Variants in TTC7B observed in about 807,000 individuals in gnomAD.
TTC7B encodes tetratricopeptide repeat protein 7B.
TTC7B carries 28 observed loss-of-function variants against 106.8 expected under a neutral mutation model. The observed-to-expected ratio is 0.26, with a 90% CI of 0.19 to 0.36. The LOEUF (loss-of-function observed/expected upper bound fraction) is 0.36. TTC7B is among the 10% of genes least tolerant of loss of function. The probability of loss-of-function intolerance (pLI) is 1.00; values close to 1 mark genes in which losing one functional copy is unlikely to be tolerated. For missense variants in TTC7B, 862 were observed against 1,076.4 expected, an observed-to-expected ratio of 0.80 and a Z score of 2.79; for synonymous variants, 405 against 430.6, an observed-to-expected ratio of 0.94 and a Z score of 0.74.
chr14:90,591,032 T>A (rs1891935775), intron 18 of TTC7B, among the ~76,000 whole-genome samples: 1 of 152,274 alleles, frequency 6.6e-6, no homozygotes, highest in South Asian at 2.1e-4. Flanking sequence ...TGTGATTATA[T>A]TAAAATTCAA....
At chr14:90,666,739 G>A (rs878900264) in intron 9 of TTC7B, among the ~76,000 whole-genome samples, 7 of 151,516 alleles carry the variant, frequency 4.6e-5, no homozygotes, top group Admixed American at 2.0e-4. Flanking sequence ...TCCAAGCAGG[G>A]AAGTCTCAGA....
chr14:90,702,519 T>G (rs1413072548), intron 5 of TTC7B, among the ~76,000 whole-genome samples: 2 of 152,158 alleles, frequency 1.3e-5, no homozygotes, highest in Non-Finnish European at 2.9e-5. Flanking sequence ...CTCAAAACTC[T>G]ATCATTGTTT....
chr14:90,535,700 A>AC lies in TTC7B; in HGVS notation c.*5667dup, dbSNP rs763233066. The AC allele has an allele frequency of 5.3e-5, 8 of 152,250 alleles. No homozygotes were observed. The highest frequency in any genetic ancestry group is 1.0e-4 in the Non-Finnish European group (7 of 68,142). The allele number at this position is 152,250 out of a possible 1,614,324, so 9.4% of individuals were successfully genotyped here. A position where few individuals can be genotyped will look rare whatever the true frequency, so the allele number is the denominator to read the frequency against. On this transcript the variant is annotated 3_prime_UTR_variant, in exon 20 of 20. Coordinates refer to ENST00000328459, the MANE Select transcript of TTC7B (RefSeq NM_001010854.2). ...CTTGAGCCCACTCCAACCTGGCTTGACCCCACCTTAGTCAGCTTGGGCTGC... is the reference window on the plus strand; with the variant it reads ...CTTGAGCCCACTCCAACCTGGCTTGACCCCCACCTTAGTCAGCTTGGGCTGC...
chr14:90,588,367 G>A (rs752229225), intron 18 of TTC7B, among the ~76,000 whole-genome samples: 22 of 152,212 alleles, frequency 1.4e-4, no homozygotes, highest in Non-Finnish European at 2.4e-4. Context: ...AGTGAAAGCT[G>A]TAATTATTAG....
chr14:90,738,061 C>A (rs1889614476), intron 4 of TTC7B, among the ~76,000 whole-genome samples: 2 of 151,950 alleles, frequency 1.3e-5, no homozygotes, highest in South Asian at 4.1e-4. Context: ...AACCACTGTA[C>A]AATTTAAATG....
intron 19 of TTC7B, among the ~76,000 whole-genome samples, chr14:90,547,737 C>A (rs1889898994): frequency 6.6e-6 from 1 of 152,068 alleles, no homozygotes; most frequent in African/African-American, 2.4e-5. Flanking sequence ...GCGGAGGTTG[C>A]AGTGAACTAT....
intron 3 of TTC7B, among the ~76,000 whole-genome samples, chr14:90,768,939 T>A (rs1890774702): frequency 6.6e-6 from 1 of 152,236 alleles, no homozygotes; most frequent in Admixed American, 6.5e-5. Flanking sequence ...CCATGCTTTG[T>A]TTCCTATATA....
intron 17 of TTC7B, among the ~76,000 whole-genome samples, chr14:90,595,076 A>G (rs546841684): frequency 1.5e-3 from 229 of 151,960 alleles, no homozygotes; most frequent in African/African-American, 5.1e-3. Flanking sequence ...GCTCACGCCT[A>G]TAATCCCAGC....
intron 15 of TTC7B, among the ~76,000 whole-genome samples, chr14:90,638,657 C>T (rs866642769): frequency 2.6e-5 from 4 of 152,218 alleles, no homozygotes; most frequent in African/African-American, 9.6e-5. Flanking sequence ...ATATACAATT[C>T]TCCCCAAACT....
chr14:90,730,194 T>G lies in TTC7B; in HGVS notation c.579A>C (p.Val193=). 6.3e-7 allele frequency: 1 copy of G among 1,596,174 alleles called. No individual in the cohort carries two copies. Among genetic ancestry groups the G allele is most frequent in the South Asian group, 1.1e-5 (1 of 87,466 alleles). The change falls in exon 5 of 20, where the codon GTA becomes GTC. Residue 193 remains valine (V), a splice_region_variant and synonymous_variant. Coordinates refer to ENST00000328459, the MANE Select transcript of TTC7B (RefSeq NM_001010854.2). ...ALLYLQEIER[V]ILSNIQNRSP... ...TTCTGTTTTGAATATTAGAAAGTAT[T>G]ACCTAGAAGGGGAGAAAATTGGAAA...
At chr14:90,734,467 C>T (rs920807579) in intron 4 of TTC7B, among the ~76,000 whole-genome samples, 1 of 151,810 alleles carries the variant, frequency 6.6e-6, no homozygotes, top group Non-Finnish European at 1.5e-5. Context: ...AAAATCATTC[C>T]ACCTCATAGA....
intron 4 of TTC7B, among the ~76,000 whole-genome samples, chr14:90,738,269 C>T (rs1212144127): frequency 6.6e-6 from 1 of 152,122 alleles, no homozygotes; most frequent in Non-Finnish European, 1.5e-5. Flanking sequence ...GCAGCCCTGT[C>T]AAGGTTGCAA....
At chr14:90,704,806 G>T (rs889152057) in intron 5 of TTC7B, among the ~76,000 whole-genome samples, 1 of 152,168 alleles carries the variant, frequency 6.6e-6, no homozygotes, top group Non-Finnish European at 1.5e-5. Context: ...CACAGAAGAC[G>T]CTCTGACCAG....
chr14:90,724,196 T>C (rs1337858011), intron 5 of TTC7B, among the ~76,000 whole-genome samples: 1 of 152,206 alleles, frequency 6.6e-6, no homozygotes, highest in East Asian at 1.9e-4. Flanking sequence ...TGCTCCTGTT[T>C]GCTTCTATGG....
chr14:90,750,522 A>C (rs1170225339), intron 3 of TTC7B, among the ~76,000 whole-genome samples: 1 of 152,232 alleles, frequency 6.6e-6, no homozygotes, highest in Non-Finnish European at 1.5e-5. Flanking sequence ...AATACTTGAA[A>C]ACCAATCATC....
At chr14:90,692,186 A>G (rs1887501751) in intron 6 of TTC7B, among the ~76,000 whole-genome samples, 1 of 152,148 alleles carries the variant, frequency 6.6e-6, no homozygotes, top group East Asian at 1.9e-4. Context: ...TCCATGTACA[A>G]GTTTTTGTTT....
chr14:90,743,397 A>G (rs538383911), intron 4 of TTC7B, among the ~76,000 whole-genome samples: 42 of 152,316 alleles, frequency 2.8e-4, no homozygotes, highest in African/African-American at 1.0e-3. Context: ...CTGTTCATTT[A>G]TAAAGTAACA....
chr14:90,814,942 T>C (rs1005762338), intron 1 of TTC7B, among the ~76,000 whole-genome samples: 1 of 152,188 alleles, frequency 6.6e-6, no homozygotes, highest in African/African-American at 2.4e-5. Flanking sequence ...GCATCCATCA[T>C]TGAGAGTGCG....
At chr14:90,673,012 C>T (rs896465030) in intron 9 of TTC7B, among the ~76,000 whole-genome samples, 3 of 152,162 alleles carry the variant, frequency 2.0e-5, no homozygotes, top group Non-Finnish European at 4.4e-5. Flanking sequence ...TGCCTAGGCT[C>T]ACACGACTGG....
Sources: allele counts gnomAD v4.1 joint callset (sites outside exome capture counted in the v4.1 genomes callset), GRCh38; gene constraint gnomAD v4.1.1; transcripts MANE v1.5; gene names NCBI Gene and HGNC (gene_info 2026-07-23, HGNC 2026-07-21).